Variants in GPC5 observed in about 807,000 individuals in gnomAD.
GPC5 encodes glypican-5.
A neutral mutation model predicts 53.9 loss-of-function variants in GPC5; 47 were observed. That is an observed-to-expected ratio of 0.87 (90% CI 0.69 to 1.11). The LOEUF (loss-of-function observed/expected upper bound fraction) is 1.11. Among genes scored for constraint, GPC5 ranks in the 50% most tolerant of loss-of-function variants. The probability of loss-of-function intolerance (pLI) is 0.00; values close to 1 mark genes in which losing one functional copy is unlikely to be tolerated. For synonymous variants in GPC5, 286 were observed against 263.3 expected (o/e 1.09, Z -0.84); for missense variants, 748 against 713.1 (o/e 1.05, Z -0.56).
intron 7 of GPC5, among the ~76,000 whole-genome samples, chr13:92,613,679 T>TTTATATAATATATATA (rs1271232925): frequency 7.2e-6 from 1 of 138,084 alleles, no homozygotes; most frequent in African/African-American, 2.7e-5. Flanking sequence ...TTATATATAT[T>TTTATATAATATATATA]TTATATAATA....
chr13:92,286,582 G>GT (rs1566520321), intron 7 of GPC5, among the ~76,000 whole-genome samples: 1 of 152,170 alleles, frequency 6.6e-6, no homozygotes, highest in Non-Finnish European at 1.5e-5. Flanking sequence ...CATATCCTTT[G>GT]TAGGGACATG....
chr13:92,662,325 C>T (rs567778088), intron 7 of GPC5, among the ~76,000 whole-genome samples: 30 of 152,316 alleles, frequency 2.0e-4, no homozygotes, highest in African/African-American at 7.2e-4. Context: ...TCTTACCTTG[C>T]ATACTGCTAC....
intron 2 of GPC5, among the ~76,000 whole-genome samples, chr13:91,652,556 C>T (rs1351432124): frequency 6.6e-6 from 1 of 152,124 alleles, no homozygotes; most frequent in Non-Finnish European, 1.5e-5. Flanking sequence ...GGCTAAGCAA[C>T]TAAACGCAGG....
At chr13:91,435,276 G>A (rs1354409496) in intron 1 of GPC5, among the ~76,000 whole-genome samples, 1 of 152,150 alleles carries the variant, frequency 6.6e-6, no homozygotes, top group Non-Finnish European at 1.5e-5. Context: ...GTTTTCAAAG[G>A]GAGTGCTTCC....
chr13:92,547,668 A>G (rs1882165250), intron 7 of GPC5, among the ~76,000 whole-genome samples: 1 of 152,150 alleles, frequency 6.6e-6, no homozygotes, highest in South Asian at 2.1e-4. Context: ...CCATATAGCA[A>G]TTTAGCATTT....
chr13:91,921,136 T>C (rs1401435328), intron 6 of GPC5, among the ~76,000 whole-genome samples: 2 of 151,776 alleles, frequency 1.3e-5, no homozygotes, highest in East Asian at 1.9e-4. Flanking sequence ...GGGGTTTCAC[T>C]GTGTTGGCCA....
At chr13:91,897,234 A>C (rs2138979491) in intron 5 of GPC5, among the ~76,000 whole-genome samples, 1 of 152,240 alleles carries the variant, frequency 6.6e-6, no homozygotes, top group African/African-American at 2.4e-5. Flanking sequence ...GTTTTCATTA[A>C]GAAAAAGTTA....
At chr13:92,658,219 T>C (rs546034570) in intron 7 of GPC5, among the ~76,000 whole-genome samples, 64 of 152,318 alleles carry the variant, frequency 4.2e-4, no homozygotes, top group African/African-American at 1.4e-3. Context: ...ACATGAGATA[T>C]GTATTTTATC....
chr13:91,748,321 A>G (rs1366153107), intron 4 of GPC5, among the ~76,000 whole-genome samples: 1 of 152,212 alleles, frequency 6.6e-6, no homozygotes, highest in Non-Finnish European at 1.5e-5. Context: ...GTCCTACCTT[A>G]GAGATTCCTT....
intron 6 of GPC5, chr13:91,994,534 CA>C: frequency 6.6e-6 from 1 of 152,300 alleles, no homozygotes; most frequent in East Asian, 1.9e-4. Context: ...AAACTTCGAG[CA>C]CAGTCTTTTA....
chr13:91,605,336 A>G (rs2033327734), intron 2 of GPC5, among the ~76,000 whole-genome samples: 1 of 145,694 alleles, frequency 6.9e-6, no homozygotes, highest in Non-Finnish European at 1.5e-5. Context: ...TACCAGTACC[A>G]TGCTGTTTTG....
At chr13:92,122,983 G>A (rs753281904) in intron 6 of GPC5, among the ~76,000 whole-genome samples, 25 of 152,000 alleles carry the variant, frequency 1.6e-4, no homozygotes, top group Non-Finnish European at 3.4e-4. Context: ...CATTGATCCT[G>A]CAGAAAATAA....
intron 5 of GPC5, among the ~76,000 whole-genome samples, chr13:91,895,927 C>A (rs2039436213): frequency 1.3e-5 from 2 of 151,978 alleles, no homozygotes; most frequent in African/African-American, 4.8e-5. Context: ...CTATTTCTCA[C>A]CTCTTTGAGC....
chr13:91,679,173 A>G (rs1455118310), intron 2 of GPC5, among the ~76,000 whole-genome samples: 1 of 145,422 alleles, frequency 6.9e-6, no homozygotes, highest in Non-Finnish European at 1.5e-5. Context: ...ATCAACATTT[A>G]TTTATTTATT....
chr13:91,977,371 G>A (rs1481927027), intron 6 of GPC5, among the ~76,000 whole-genome samples: 1 of 152,158 alleles, frequency 6.6e-6, no homozygotes, highest in Non-Finnish European at 1.5e-5. Flanking sequence ...GTGGGGAAAA[G>A]GAAGAAAGCA....
At chr13:91,606,788 G>A (rs2139277849) in intron 2 of GPC5, among the ~76,000 whole-genome samples, 1 of 152,240 alleles carries the variant, frequency 6.6e-6, no homozygotes, top group East Asian at 1.9e-4. Context: ...ATTTCTGTGG[G>A]ATCGGTGGTG....
rs12868999 is a variant in GPC5, at chr13:92,374,025, G to T, written c.1561+229036G>T. On this transcript the variant is annotated intron_variant, in intron 7 of 7. Coordinates refer to ENST00000377067, the MANE Select transcript of GPC5 (RefSeq NM_004466.6). The stretch of plus-strand genomic sequence containing the variant: ...TTATAGCATACTATTTTGACCTTGA[G>T]TTGCCATATCCTATAAATGAAACAA... Among the ~76,000 whole-genome samples, 1,392 of 152,184 alleles carry T rather than the reference G, an allele frequency of 9.1e-3. 20 individuals are homozygous for T. Among genetic ancestry groups the T allele is most frequent in the Middle Eastern group, 0.048 (14 of 292 alleles).
intron 7 of GPC5, among the ~76,000 whole-genome samples, chr13:92,169,841 ATTTAT>A (rs1053410408): frequency 5.9e-5 from 9 of 152,178 alleles, no homozygotes; most frequent in Admixed American, 3.9e-4. Flanking sequence ...CATTGAGTTT[ATTTAT>A]TTTATTTAGG....
At chr13:92,476,950 C>T (rs1345253173) in intron 7 of GPC5, among the ~76,000 whole-genome samples, 6 of 147,426 alleles carry the variant, frequency 4.1e-5, no homozygotes, top group East Asian at 2.1e-4. Flanking sequence ...TGCTAGATGA[C>T]GAGATAGTGG....
Sources: allele counts gnomAD v4.1 joint callset (sites outside exome capture counted in the v4.1 genomes callset), GRCh38; gene constraint gnomAD v4.1.1; transcripts MANE v1.5; gene names NCBI Gene and HGNC (gene_info 2026-07-23, HGNC 2026-07-21).